The following CAMK2B variants were observed in gnomAD, a reference collection of about 807,000 sequenced individuals.
CAMK2B encodes the protein calcium/calmodulin dependent protein kinase II beta.
CAMK2B carries 27 observed loss-of-function variants against 93.7 expected under a neutral mutation model. That is an observed-to-expected ratio of 0.29 (90% CI 0.21 to 0.40). The LOEUF (loss-of-function observed/expected upper bound fraction) is 0.40, where lower values mean the gene tolerates loss of function less well. CAMK2B is among the 10% of genes least tolerant of loss of function. The pLI is 1.00. For missense variants in CAMK2B, 568 were observed against 895.8 expected (o/e 0.63, Z 4.67); for synonymous variants, 374 against 358.8 (o/e 1.04, Z -0.48).
At chr7:44,250,982 G>A (rs1260820140) in intron 5 of CAMK2B, among the ~76,000 whole-genome samples, 1 of 152,188 alleles carries the variant, frequency 6.6e-6, no homozygotes, top group Non-Finnish European at 1.5e-5. Context: ...AGCTTTGTTG[G>A]TTAGAAATGA....
intron 1 of CAMK2B, among the ~76,000 whole-genome samples, chr7:44,284,671 C>T: frequency 6.6e-6 from 1 of 152,230 alleles, no homozygotes; most frequent in Non-Finnish European, 1.5e-5. Context: ...CCTGCTGAGT[C>T]TTCCCCAGAG....
rs1793810233 is a variant in CAMK2B, at chr7:44,312,479, G to C, written c.65+12878C>G. Among the ~76,000 whole-genome samples, 1 of 152,156 alleles carries C rather than the reference G, an allele frequency of 6.6e-6. No individual in the cohort carries two copies. Among genetic ancestry groups the C allele is most frequent in the Non-Finnish European group, 1.5e-5 (1 of 68,030 alleles). ...AAAGGAGAAAGGAGAGGGAGGAAGA[G>C]GGAGGGAAGGAGGGGAGGATGATGA... is the stretch of plus-strand genomic sequence containing the variant. On this transcript the variant is annotated intron_variant, in intron 1 of 23. Transcript: ENST00000395749. This position sits in a 1 kb window ranked among gnomAD's most constrained non-coding sequence, Gnocchi z 4.1.
chr7:44,283,825 G>A lies in CAMK2B; in HGVS notation c.160+306C>T, dbSNP rs1294420044. ...ATACACGGGATGGGGAGGTGAAAGT[G>A]GGCCCTGAGAACAACCTAACCAGAG... On this transcript the variant is annotated intron_variant, in intron 2 of 23. Coordinates refer to ENST00000395749, the MANE Select transcript of CAMK2B (RefSeq NM_001220.5). Among the ~76,000 whole-genome samples the A allele has an allele frequency of 7.2e-5, 11 of 152,232 alleles. No homozygotes were observed. In the East Asian group the frequency reaches 1.7e-3, roughly 24 times the overall value.
intron 15 of CAMK2B, 72 bp from the exon 16 acceptor site, chr7:44,232,938 G>A (rs2096593221): frequency 3.6e-6 from 5 of 1,380,714 alleles, no homozygotes; most frequent in East Asian, 4.6e-5. Flanking sequence ...GAGACCACCA[G>A]GAGGGGAACA....
Position 44,325,360 on chromosome 7 carries a change from C to A in CAMK2B, c.62G>T (p.Gly21Val). The change falls in exon 1 of 24, where the codon GGC (glycine) becomes GTC (valine). Residue 21 changes from glycine to valine, a missense_variant. This residue lies in a region of CAMK2B where 39 missense variants were observed against 43.4 expected (regional missense o/e 0.90). Coordinates refer to ENST00000395749, the MANE Select transcript of CAMK2B (RefSeq NM_001220.5). ...TDEYQLYEDI[G>V]KGAFSVVRRC... Reference sequence around the variant, plus strand: ...CCGCGCGCGCCGCTGCTCTTACTTGCCAATATCCTCGTAGAGCTGGTACTC... The same window carrying A: ...CCGCGCGCGCCGCTGCTCTTACTTGACAATATCCTCGTAGAGCTGGTACTC... 1 of 1,257,922 alleles carries A rather than the reference C, an allele frequency of 7.9e-7. No homozygotes were observed. The allele number at this position is 1,257,922 out of a possible 1,614,324, so 77.9% of individuals were successfully genotyped here.
intron 1 of CAMK2B, among the ~76,000 whole-genome samples, chr7:44,289,933 C>A (rs1367217631): frequency 1.3e-5 from 2 of 152,252 alleles, no homozygotes; most frequent in Non-Finnish European, 2.9e-5. Flanking sequence ...CCTCCCGCAG[C>A]CCATGTCCAC....
chr7:44,240,557 G>A (rs968740519), intron 12 of CAMK2B, 150 bp downstream of exon 12: 3 of 844,634 alleles, frequency 3.6e-6, no homozygotes, highest in African/African-American at 1.7e-5. Flanking sequence ...GCGGGGCCAG[G>A]TGGGCAGTGG....
intron 2 of CAMK2B, among the ~76,000 whole-genome samples, chr7:44,282,953 C>T (rs912275730): frequency 6.6e-5 from 10 of 152,188 alleles, no homozygotes; most frequent in African/African-American, 2.4e-4. Context: ...AGGGGAGGGG[C>T]TCAGAGAGGC....
At chr7:44,243,148 G>T in intron 8 of CAMK2B, 102 bp downstream of exon 8, 1 of 882,564 alleles carries the variant, frequency 1.1e-6, no homozygotes. Context: ...GATAAACCCA[G>T]ATGAGAGCAA....
intron 13 of CAMK2B, among the ~76,000 whole-genome samples, chr7:44,236,319 T>C (rs1012062282): frequency 6.6e-6 from 1 of 152,144 alleles, no homozygotes; most frequent in Admixed American, 6.5e-5. Flanking sequence ...GCGGACCCCA[T>C]GTGCAGTGGG....
chr7:44,219,886 C>T (rs1395436476), intron 23 of CAMK2B, among the ~76,000 whole-genome samples, 174 bp downstream of exon 23: 1 of 152,136 alleles, frequency 6.6e-6, no homozygotes, highest in African/African-American at 2.4e-5. Flanking sequence ...CCACACCCAG[C>T]CTGCCGTGGT....
intron 1 of CAMK2B, among the ~76,000 whole-genome samples, chr7:44,291,154 C>A (rs1786686072): frequency 6.6e-6 from 1 of 152,200 alleles, no homozygotes; most frequent in Admixed American, 6.5e-5. Context: ...TGGATACTGT[C>A]CTGTGGATGC....
At chr7:44,300,411 C>T (rs1057110638) in intron 1 of CAMK2B, among the ~76,000 whole-genome samples, 1 of 151,970 alleles carries the variant, frequency 6.6e-6, no homozygotes, top group Admixed American at 6.6e-5. Context: ...ATTCTCCCAC[C>T]TGGGCCTCCT....
intron 8 of CAMK2B, among the ~76,000 whole-genome samples, chr7:44,242,913 G>C (rs2096695450): frequency 6.6e-6 from 1 of 152,170 alleles, no homozygotes; most frequent in Non-Finnish European, 1.5e-5. Flanking sequence ...TCTGTGGGAG[G>C]AGACCCCTAC....
At chr7:44,305,729 C>T (rs1002105382) in intron 1 of CAMK2B, among the ~76,000 whole-genome samples, 2 of 152,182 alleles carry the variant, frequency 1.3e-5, no homozygotes, top group African/African-American at 2.4e-5. Context: ...AAGACAGGGG[C>T]GAGAGGCCTT....
At chr7:44,249,983 C>T (rs913207486) in intron 5 of CAMK2B, among the ~76,000 whole-genome samples, 6 of 152,202 alleles carry the variant, frequency 3.9e-5, no homozygotes, top group Non-Finnish European at 7.3e-5. Flanking sequence ...CCATGGTGTC[C>T]TTAAGGGTAT....
chr7:44,242,672 G>A lies in CAMK2B; in HGVS notation c.602-18C>T, dbSNP rs1362001122. On this transcript the variant is annotated intron_variant, in intron 8 of 23. Coordinates refer to ENST00000395749, the MANE Select transcript of CAMK2B (RefSeq NM_001220.5). The stretch of plus-strand genomic sequence containing the variant: ...GATCACCCCTGCGGATGGGGCCTGT[G>A]AGCACCGCAGCCACTTGCAGGGTGC... 2 of 1,566,024 alleles carry A rather than the reference G, an allele frequency of 1.3e-6. No homozygotes were observed. The highest frequency in any genetic ancestry group is 1.3e-5 in the African/African-American group (1 of 74,170).
In CAMK2B at chr7:44,254,753, T is replaced by C. The variant is rs371825986; in HGVS notation, c.276-146A>G. 3.1e-4 allele frequency: 71 copies of C among 226,098 alleles called. No individual in the cohort carries two copies. The African/African-American group carries it at 7.5e-3, about 24-fold the overall frequency. The allele number at this position is 226,098 out of a possible 1,614,324, so 14.0% of individuals were successfully genotyped here. On this transcript the variant is annotated intron_variant, in intron 4 of 23. Transcript: ENST00000395749. ...ATGTCACCATCCATCACCAGCATCA[T>C]CACAATCATCACCACCACCAACTAC...
intron 16 of CAMK2B, 40 bp downstream of exon 16, chr7:44,232,781 TC>T: frequency 1.2e-6 from 2 of 1,600,636 alleles, no homozygotes; most frequent in Non-Finnish European, 1.7e-6. Flanking sequence ...GCCTGGAGCC[TC>T]CTGCCTGGGG....
Sources: gnomAD v4.1 joint callset for allele counts (sites outside exome capture counted in the v4.1 genomes callset) on GRCh38, gnomAD v4.1.1 for gene constraint, gnomAD v4.1.1 regional missense constraint, Gnocchi (gnomAD v3.1) non-coding constraint, MANE v1.5 for transcripts, NCBI Gene and HGNC (gene_info 2026-07-23, HGNC 2026-07-21) for gene names.